SLC35E2B: variants seen among roughly 807,000 people sequenced by gnomAD.
The protein encoded by SLC35E2B is solute carrier family 35, member E2B.
In SLC35E2B, 18 loss-of-function variants were observed where a neutral mutation model predicts 32.4. That is an observed-to-expected ratio of 0.56 (90% CI 0.38 to 0.82). SLC35E2B has a LOEUF of 0.82. Among genes scored for constraint, SLC35E2B ranks in the 40% least tolerant of loss-of-function variants. The pLI is 0.00. For synonymous variants in SLC35E2B, 132 were observed against 209.1 expected (o/e 0.63, Z 3.18); for missense variants, 263 against 469.5 (o/e 0.56, Z 4.06).
intron 2 of SLC35E2B, among the ~76,000 whole-genome samples, chr1:1,679,041 C>G (rs28377214): frequency 0.061 from 9,331 of 152,232 alleles, 362 homozygotes; most frequent in Middle Eastern, 0.092. Context: ...CTAGGCCTCA[C>G]GGCCCTTGAC....
intron 2 of SLC35E2B, among the ~76,000 whole-genome samples, chr1:1,683,249 G>A (rs1054741505): frequency 1.3e-5 from 2 of 152,070 alleles, no homozygotes; most frequent in Admixed American, 6.5e-5. Flanking sequence ...TCCCGAAGCC[G>A]TCCCCCTGGG....
intron 7 of SLC35E2B, 143 bp downstream of exon 7, chr1:1,669,955 C>T (rs1049048315): frequency 1.1e-6 from 1 of 887,386 alleles, no homozygotes; most frequent in African/African-American, 1.7e-5. Flanking sequence ...CGGGTCCCTC[C>T]CGAGCTTAGA....
At chr1:1,678,129 C>G (rs1023723879) in intron 2 of SLC35E2B, among the ~76,000 whole-genome samples, 2 of 152,166 alleles carry the variant, frequency 1.3e-5, no homozygotes, top group Non-Finnish European at 2.9e-5. Context: ...GCTGCCCGAC[C>G]CAGTACCCCT....
At position 1,664,719 on chromosome 1, in the gene SLC35E2B, G is replaced by A; in HGVS notation, c.*1063C>T. The A allele has an allele frequency of 7.9e-6, 7 of 887,640 alleles. 1 individual carries two copies. In the South Asian group the frequency reaches 2.1e-4, roughly 27 times the overall value. The allele number at this position is 887,640 out of a possible 1,614,324, so 55.0% of individuals were successfully genotyped here. A position where few individuals can be genotyped will look rare whatever the true frequency, so the allele number is the denominator to read the frequency against. ...GGTGGGCGCCTGACACACACCACGC[G>A]CCCCAGAAACATTCAGTGTGGACGT... On this transcript the variant is annotated 3_prime_UTR_variant, in exon 10 of 10. Transcript: ENST00000617444.
intron 2 of SLC35E2B, among the ~76,000 whole-genome samples, chr1:1,688,336 C>G (rs535039578): frequency 1.3e-5 from 2 of 152,064 alleles, no homozygotes; most frequent in Admixed American, 6.6e-5. Flanking sequence ...GCCGGGCGCG[C>G]TGGCTCACAC....
At position 1,665,893 on chromosome 1, in the gene SLC35E2B, TTTG is replaced by T; in HGVS notation, c.1104_1106del (p.Asn368del). 1 of 1,551,238 alleles carries T rather than the reference TTTG, an allele frequency of 6.4e-7. No individual in the cohort carries two copies. Among genetic ancestry groups the T allele is most frequent in the Non-Finnish European group, 8.7e-7 (1 of 1,146,972 alleles). ...GCGCCTCCTGCTGGTGTTGCCTGGC[TTTG>T]TTGTAGAGCAGGACCCCAACGGTCA... On this transcript the variant is annotated inframe_deletion, in exon 10 of 10. Coordinates refer to ENST00000617444, the MANE Select transcript of SLC35E2B (RefSeq NM_001290264.2).
At chr1:1,690,394 T>A (rs1483978390) in intron 2 of SLC35E2B, among the ~76,000 whole-genome samples, 9 of 145,896 alleles carry the variant, frequency 6.2e-5, no homozygotes, top group South Asian at 2.2e-4. Flanking sequence ...AGGATTAATA[T>A]CCAGAAAGTA....
At chr1:1,679,159 A>G (rs182615176) in intron 2 of SLC35E2B, among the ~76,000 whole-genome samples, 53 of 152,300 alleles carry the variant, frequency 3.5e-4, no homozygotes, top group African/African-American at 1.2e-3. Context: ...ATTCATTTAC[A>G]TGGCAAGGAG....
chr1:1,679,807 G>C (rs1357573310), intron 2 of SLC35E2B, among the ~76,000 whole-genome samples: 1 of 138,712 alleles, frequency 7.2e-6, no homozygotes, highest in Non-Finnish European at 1.5e-5. Context: ...ACCCCAGCCT[G>C]AGCAACAGAG....
intron 2 of SLC35E2B, among the ~76,000 whole-genome samples, chr1:1,686,321 C>CTTTTTTTTTTTT (rs375495225): frequency 3.1e-5 from 4 of 127,788 alleles, no homozygotes; most frequent in Admixed American, 8.1e-5. Flanking sequence ...CTTTTTTTTT[C>CTTTTTTTTTTTT]TTTTTTTTTT....
chr1:1,679,918 GTCAGGAGT>G (rs1330873958), intron 2 of SLC35E2B, among the ~76,000 whole-genome samples: 1 of 151,458 alleles, frequency 6.6e-6, no homozygotes, highest in Non-Finnish European at 1.5e-5. Context: ...GGATCATGAG[GTCAGGAGT>G]TCAAGACCAG....
chr1:1,668,650 T>G (rs1643605194), intron 8 of SLC35E2B, among the ~76,000 whole-genome samples, 178 bp from the exon 9 acceptor site: 1 of 152,200 alleles, frequency 6.6e-6, no homozygotes, highest in Non-Finnish European at 1.5e-5. Flanking sequence ...TTTCTGTTTT[T>G]TTTGTTTGTT....
chr1:1,675,447 G>C lies in SLC35E2B; in HGVS notation c.586+16C>G. 6.2e-7 allele frequency: 1 copy of C among 1,612,368 alleles called. No homozygotes were observed. The stretch of plus-strand genomic sequence containing the variant: ...TGGTGGGGCGCAGGCGGAGGGGCGG[G>C]GCCCGGGGGCCTCACCTGTGTACTC... On this transcript the variant is annotated intron_variant, in intron 5 of 9. Transcript: ENST00000617444.
chr1:1,668,521 C>G, intron 8 of SLC35E2B, 49 bp from the exon 9 acceptor site: 1 of 1,614,072 alleles, frequency 6.2e-7, no homozygotes. Context: ...TTTCCATTTA[C>G]TAATCATCCA....
chr1:1,666,997 T>C (rs1389362167), intron 9 of SLC35E2B, among the ~76,000 whole-genome samples: 4 of 63,772 alleles, frequency 6.3e-5, no homozygotes, highest in Admixed American at 3.3e-4. Context: ...CCCAGCTACT[T>C]GGGAGGCTGA....
intron 6 of SLC35E2B, chr1:1,670,392 G>T: frequency 2.4e-6 from 1 of 413,366 alleles, no homozygotes; most frequent in Non-Finnish European, 4.4e-6. Context: ...AAAGTGCTGG[G>T]ATTACAAGTG....
intron 2 of SLC35E2B, among the ~76,000 whole-genome samples, chr1:1,682,615 G>C (rs1008640669): frequency 4.3e-4 from 65 of 152,106 alleles, no homozygotes; most frequent in African/African-American, 1.5e-3. Flanking sequence ...GTGCCTGAAA[G>C]AGGGAATTCC....
chr1:1,666,019 G>C lies in SLC35E2B; in HGVS notation c.981C>G (p.Ser327Arg). The change falls in exon 10 of 10, where the codon AGC becomes AGG. Residue 327 changes from serine to arginine, a missense_variant and splice_region_variant. Transcript: ENST00000617444. The part of the protein sequence containing the change: ...LMGKISPVTF[S>R]VASTVKHALS... Reference sequence around the variant, plus strand: ...AGGCATGTTTCACGGTGCTGGCGACGCTGCGGAGGCAAGGGGAGGCAGCAG... The same window carrying C: ...AGGCATGTTTCACGGTGCTGGCGACCCTGCGGAGGCAAGGGGAGGCAGCAG... 1 of 1,549,534 alleles carries C rather than the reference G, an allele frequency of 6.5e-7. No individual in the cohort carries two copies. The highest frequency in any genetic ancestry group is 1.2e-5 in the South Asian group (1 of 83,970).
intron 2 of SLC35E2B, among the ~76,000 whole-genome samples, chr1:1,680,959 C>T (rs1233009286): frequency 3.3e-5 from 5 of 151,958 alleles, no homozygotes; most frequent in Non-Finnish European, 4.4e-5. Flanking sequence ...CCTGCCACCA[C>T]GCCCAGCCGC....
Sources: gnomAD v4.1 joint callset for allele counts (sites outside exome capture counted in the v4.1 genomes callset) on GRCh38, gnomAD v4.1.1 for gene constraint, MANE v1.5 for transcripts, NCBI Gene and HGNC (gene_info 2026-07-23, HGNC 2026-07-21) for gene names.